Variants in NFIB observed in about 807,000 individuals in gnomAD.
The protein encoded by NFIB is nuclear factor I B.
In NFIB, 11 loss-of-function variants were observed where a neutral mutation model predicts 61.5. That is an observed-to-expected ratio of 0.18 (90% CI 0.11 to 0.30). The LOEUF (loss-of-function observed/expected upper bound fraction) is 0.30. Among genes scored for constraint, NFIB ranks in the 10% least tolerant of loss-of-function variants. The pLI, the probability that NFIB is intolerant of heterozygous loss-of-function variation, is 1.00. For synonymous variants in NFIB, 260 were observed against 216.5 expected (o/e 1.20, Z -1.76); for missense variants, 471 against 608.9 (o/e 0.77, Z 2.38).
At chr9:14,200,891 T>C (rs1019766732) in intron 2 of NFIB, among the ~76,000 whole-genome samples, 7 of 152,208 alleles carry the variant, frequency 4.6e-5, no homozygotes, top group African/African-American at 1.4e-4. Flanking sequence ...CCTCCTGATG[T>C]TGCTAGTGCA....
chr9:14,297,546 A>C (rs1436659731), intron 2 of NFIB, among the ~76,000 whole-genome samples: 1 of 152,262 alleles, frequency 6.6e-6, no homozygotes, highest in Non-Finnish European at 1.5e-5. Context: ...GAAAGAAAAG[A>C]AAGCCTCTCA....
chr9:14,474,958 G>T, the NFIB span, among the ~76,000 whole-genome samples: 1 of 152,176 alleles, frequency 6.6e-6, no homozygotes, highest in Non-Finnish European at 1.5e-5. Context: ...GCCCTCAATG[G>T]ATTGTGTGCT....
At chr9:14,200,292 T>C (rs913112540) in intron 2 of NFIB, among the ~76,000 whole-genome samples, 3 of 152,108 alleles carry the variant, frequency 2.0e-5, no homozygotes, top group Admixed American at 6.5e-5. Flanking sequence ...ACAATAAACA[T>C]AATCCACTGT....
intron 2 of NFIB, among the ~76,000 whole-genome samples, chr9:14,208,395 C>G (rs1417716336): frequency 6.6e-6 from 1 of 152,052 alleles, no homozygotes; most frequent in Non-Finnish European, 1.5e-5. Flanking sequence ...TCAAGAAGAA[C>G]TGAATTATTC....
At chr9:14,224,498 C>T (rs2052110818) in intron 2 of NFIB, among the ~76,000 whole-genome samples, 1 of 152,154 alleles carries the variant, frequency 6.6e-6, no homozygotes, top group Non-Finnish European at 1.5e-5. Flanking sequence ...TTCAACCAAC[C>T]ATGGAACAAA....
At chr9:14,373,815 G>C (rs867777439) in intron 1 of NFIB, among the ~76,000 whole-genome samples, 4 of 152,136 alleles carry the variant, frequency 2.6e-5, no homozygotes, top group Non-Finnish European at 5.9e-5. Context: ...AGGAAGGGCA[G>C]ATCCACATTC....
chr9:14,221,011 G>T (rs2051601141), intron 2 of NFIB, among the ~76,000 whole-genome samples: 1 of 151,888 alleles, frequency 6.6e-6, no homozygotes, highest in South Asian at 2.1e-4. Context: ...CTCCTCTAAG[G>T]CCTCCATCAG....
the NFIB span, among the ~76,000 whole-genome samples, chr9:14,456,098 T>C: frequency 2.0e-5 from 3 of 152,194 alleles, no homozygotes; most frequent in African/African-American, 4.8e-5. Flanking sequence ...ATGTACTAGA[T>C]TCGATCATAA....
At chr9:14,216,741 C>T (rs2050971590) in intron 2 of NFIB, among the ~76,000 whole-genome samples, 1 of 152,154 alleles carries the variant, frequency 6.6e-6, no homozygotes. Context: ...TTCCATCTTT[C>T]TCATGTGACA....
the NFIB span, among the ~76,000 whole-genome samples, chr9:14,416,074 GAA>G: frequency 6.6e-6 from 1 of 151,982 alleles, no homozygotes; most frequent in Non-Finnish European, 1.5e-5. Flanking sequence ...ATAAACCTAA[GAA>G]AAAAAGTCTA....
At chr9:14,397,501 T>C (rs2061698532) in intron 1 of NFIB, among the ~76,000 whole-genome samples, 3 of 152,122 alleles carry the variant, frequency 2.0e-5, no homozygotes, top group African/African-American at 7.2e-5. Context: ...AACTGTAAAA[T>C]GGGTAAAGAA....
At chr9:14,236,191 G>GGC (rs1563931055) in intron 2 of NFIB, among the ~76,000 whole-genome samples, 3 of 152,190 alleles carry the variant, frequency 2.0e-5, no homozygotes, top group Admixed American at 2.0e-4. Flanking sequence ...TAGCTAAATT[G>GGC]GCATCTTTAT....
At chr9:14,423,307 A>G in the NFIB span, among the ~76,000 whole-genome samples, 59 of 152,234 alleles carry the variant, frequency 3.9e-4, no homozygotes, top group African/African-American at 1.4e-3. Flanking sequence ...CTGGGACCCC[A>G]GAACTCCTTG....
the NFIB span, among the ~76,000 whole-genome samples, chr9:14,527,934 TA>T: frequency 6.6e-6 from 1 of 152,140 alleles, no homozygotes; most frequent in Non-Finnish European, 1.5e-5. Flanking sequence ...CTGCGGTTAT[TA>T]GGTTAGGCAG....
intron 2 of NFIB, among the ~76,000 whole-genome samples, chr9:14,184,509 C>T (rs1329337043): frequency 1.6e-5 from 1 of 64,024 alleles, no homozygotes; most frequent in Non-Finnish European, 4.4e-5. Flanking sequence ...TCAAATTTGT[C>T]TCCATTAAGC....
At position 14,376,499 on chromosome 9, in the gene NFIB, G is replaced by T. The variant is rs2061421099; in HGVS notation, c.108+22025C>A. Among the ~76,000 whole-genome samples the T allele has an allele frequency of 2.0e-5, 3 of 150,264 alleles. No individual in the cohort carries two copies. In the Admixed American group the frequency reaches 2.0e-4, roughly 10 times the overall value. On this transcript the variant is annotated intron_variant, in intron 1 of 8. Coordinates refer to the NFIB transcript ENST00000380934. ...ACTGCTTAACATTCCACTGGTTAAA[G>T]AGCACTTCTAAAAGTGTCATTTTTT...
intron 2 of NFIB, among the ~76,000 whole-genome samples, chr9:14,219,315 A>C (rs752860465): frequency 2.0e-5 from 3 of 149,376 alleles, no homozygotes; most frequent in Non-Finnish European, 4.5e-5. Context: ...TATTATATAG[A>C]TTGACAAATA....
chr9:14,491,977 C>A, the NFIB span, among the ~76,000 whole-genome samples: 3 of 152,170 alleles, frequency 2.0e-5, no homozygotes, highest in Non-Finnish European at 4.4e-5. Flanking sequence ...TTTGTTACCA[C>A]ATTTAAGTTA....
At chr9:14,292,269 T>A (rs751337442) in intron 2 of NFIB, among the ~76,000 whole-genome samples, 1 of 152,084 alleles carries the variant, frequency 6.6e-6, no homozygotes, top group Admixed American at 6.6e-5. Flanking sequence ...AGTGAGAAGA[T>A]CTGTAGGGAT....
Sources: allele counts gnomAD v4.1 joint callset (sites outside exome capture counted in the v4.1 genomes callset), GRCh38; gene constraint gnomAD v4.1.1; transcripts MANE v1.5; gene names NCBI Gene and HGNC (gene_info 2026-07-23, HGNC 2026-07-21).